The following ZNF385C variants were observed in gnomAD, a reference collection of about 807,000 sequenced individuals.
ZNF385C encodes zinc finger protein 385C.
In ZNF385C, 28 loss-of-function variants were observed where a neutral mutation model predicts 35.4. The ratio of observed to expected loss-of-function variants is 0.79; its 90% CI spans 0.59 to 1.08. The LOEUF is 1.08. Among genes scored for constraint, ZNF385C ranks in the 50% least tolerant of loss-of-function variants. The probability of loss-of-function intolerance (pLI) is 0.00; values close to 1 mark genes in which losing one functional copy is unlikely to be tolerated. For missense variants in ZNF385C, 605 were observed against 595.6 expected, an observed-to-expected ratio of 1.02 and a Z score of -0.16; for synonymous variants, 248 against 248.2, an observed-to-expected ratio of 1.00 and a Z score of 0.01.
At chr17:42,032,830 A>G (rs1414916246) in intron 4 of ZNF385C, among the ~76,000 whole-genome samples, 1 of 151,424 alleles carries the variant, frequency 6.6e-6, no homozygotes, top group Non-Finnish European at 1.5e-5. Flanking sequence ...CTCCTGCCTC[A>G]GCCTCCCGAG....
intron 2 of ZNF385C, among the ~76,000 whole-genome samples, chr17:42,053,404 C>G (rs1315280289): frequency 1.3e-5 from 2 of 152,092 alleles, no homozygotes; most frequent in Non-Finnish European, 2.9e-5. Context: ...ACCCTGATTT[C>G]TGTCCCCCTC....
At chr17:42,070,275 C>T (rs1467129810) in intron 1 of ZNF385C, among the ~76,000 whole-genome samples, 1 of 152,096 alleles carries the variant, frequency 6.6e-6, no homozygotes, top group Non-Finnish European at 1.5e-5. Context: ...ACCCGGGAGG[C>T]GGAGCTTGCA....
chr17:42,083,051 T>C (rs1269460201), intron 1 of ZNF385C, among the ~76,000 whole-genome samples: 2 of 152,084 alleles, frequency 1.3e-5, no homozygotes, highest in East Asian at 3.9e-4. Flanking sequence ...CACTCCAGCA[T>C]GGGCAATAGA....
intron 2 of ZNF385C, chr17:42,039,306 A>C: frequency 5.3e-6 from 1 of 189,392 alleles, no homozygotes; most frequent in African/African-American, 2.3e-5. Context: ...ACCAAGGACC[A>C]GTGTCCGTTC....
At position 42,086,600 on chromosome 17, in the gene ZNF385C, G is replaced by C. The variant is rs2053810867; in HGVS notation, c.-3+11810C>G. Among the ~76,000 whole-genome samples, 2 of 149,890 alleles carry C rather than the reference G, an allele frequency of 1.3e-5. 1 individual carries two copies. Among genetic ancestry groups the C allele is most frequent in the South Asian group, 4.2e-4 (2 of 4,750 alleles). ...GCCTGTCATTCCAGCTACTTGGGAG[G>C]CTGAGGCAGGAGAATAGCTTGAACC... On this transcript the variant is annotated intron_variant, in intron 1 of 8. Coordinates refer to ENST00000692273, the MANE Select transcript of ZNF385C (RefSeq NM_001392013.1).
chr17:42,058,814 A>T (rs1266788738), intron 2 of ZNF385C, among the ~76,000 whole-genome samples: 1 of 152,002 alleles, frequency 6.6e-6, no homozygotes, highest in African/African-American at 2.4e-5. Context: ...CCACAACCAC[A>T]CCTGGCTAAT....
rs575915700 is a variant in ZNF385C at position 42,027,053 on chromosome 17, A to C, written c.1356T>G (p.Thr452=). Residue 452 remains threonine, a synonymous_variant, in exon 9 of 9, where the codon ACT becomes ACG. Transcript: ENST00000692273. ...GGGGCCCTGGCAGAGCACAGATGGCAGTGGCTGCGGTGGGGAGCGGGCTGG... is the reference window on the plus strand; with the variant it reads ...GGGGCCCTGGCAGAGCACAGATGGCCGTGGCTGCGGTGGGGAGCGGGCTGG... ...FLPSPLPTAA[T]AICALPGPLA... The C allele has an allele frequency of 6.8e-6, 11 of 1,609,376 alleles. No homozygotes were observed. The East Asian group carries it at 2.5e-4, about 36-fold the overall frequency.
intron 1 of ZNF385C, among the ~76,000 whole-genome samples, chr17:42,086,597 GA>G (rs2053810835): frequency 6.7e-6 from 1 of 149,790 alleles, no homozygotes; most frequent in African/African-American, 2.5e-5. Context: ...AGCTACTTGG[GA>G]GGCTGAGGCA....
At chr17:42,086,410 C>T (rs1211204964) in intron 1 of ZNF385C, among the ~76,000 whole-genome samples, 1 of 145,936 alleles carries the variant, frequency 6.9e-6, no homozygotes, top group Non-Finnish European at 1.5e-5. Flanking sequence ...ATTTTAAAAA[C>T]CAACTCTAAG....
intron 2 of ZNF385C, chr17:42,040,820 C>T (rs1256331712): frequency 8.1e-7 from 1 of 1,232,164 alleles, no homozygotes. Flanking sequence ...GCCGGGGGCT[C>T]AGGATCTGTC....
intron 8 of ZNF385C, 80 bp from the exon 9 acceptor site, chr17:42,027,213 T>C: frequency 7.6e-7 from 1 of 1,321,048 alleles, no homozygotes; most frequent in Non-Finnish European, 1.1e-6. Context: ...CCTCAAGCTT[T>C]TTGCTGCAGG....
At chr17:42,059,612 T>TTTG (rs1407855858) in intron 2 of ZNF385C, among the ~76,000 whole-genome samples, 1 of 79,970 alleles carries the variant, frequency 1.3e-5, no homozygotes, top group African/African-American at 5.0e-5. Flanking sequence ...TGTGACCTTT[T>TTTG]TTGTTGTTGT....
Position 42,034,312 on chromosome 17 carries a change from G to C in ZNF385C, c.423C>G (p.Val141=), listed in dbSNP as rs2052793876. The stretch of plus-strand genomic sequence containing the variant: ...AGGGGACACCAAACGTGTGGCTGAT[G>C]ACAGCTTTCTGGACCGGGTCCATCT... ...FSTMDPVQKA[V]ISHTFGVPSP... The change falls in exon 4 of 9, where the codon GTC becomes GTG. Residue 141 remains valine (V), a synonymous_variant. Coordinates refer to ENST00000692273, the MANE Select transcript of ZNF385C (RefSeq NM_001392013.1). 2.6e-6 allele frequency: 4 copies of C among 1,550,632 alleles called. No homozygotes were observed. Among genetic ancestry groups the C allele is most frequent in the Non-Finnish European group, 3.5e-6 (4 of 1,146,990 alleles).
chr17:42,087,644 G>A (rs2053822833), intron 1 of ZNF385C, among the ~76,000 whole-genome samples: 1 of 152,184 alleles, frequency 6.6e-6, no homozygotes, highest in Admixed American at 6.5e-5. Context: ...CCCAGTCCTA[G>A]CCAGGCGCAG....
chr17:42,040,805 A>G lies in ZNF385C; in HGVS notation c.251-2920T>C, dbSNP rs2053000630. ...TCCAATATGCTCTCATATTGACCCA[A>G]GTAGGCCGGGGGCTCAGGATCTGTC... is the stretch of plus-strand genomic sequence containing the variant. On this transcript the variant is annotated intron_variant, in intron 2 of 8. Coordinates refer to ENST00000692273, the MANE Select transcript of ZNF385C (RefSeq NM_001392013.1). 2.4e-6 allele frequency: 3 copies of G among 1,232,182 alleles called. No homozygotes were observed. In the South Asian group the frequency reaches 1.2e-4, roughly 51 times the overall value. 76.3% of individuals were successfully genotyped at this position (1,232,182 alleles called of 1,614,324 possible).
In ZNF385C at chr17:42,042,621, C is replaced by T. The variant is rs112531941; in HGVS notation, c.251-4736G>A. Among the ~76,000 whole-genome samples, 10 of 152,336 alleles carry T rather than the reference C, an allele frequency of 6.6e-5. 1 individual carries two copies. The highest frequency in any genetic ancestry group is 4.1e-4 in the South Asian group (2 of 4,826). ...GCAGTGAGAAGAGTGCCCCTGTGCC[C>T]GCTAAGAGGCCTGGTCTGGCCTCTT... On this transcript the variant is annotated intron_variant, in intron 2 of 8. Coordinates refer to ENST00000692273, the MANE Select transcript of ZNF385C (RefSeq NM_001392013.1).
intron 1 of ZNF385C, among the ~76,000 whole-genome samples, chr17:42,091,062 G>A (rs1462124592): frequency 6.6e-6 from 1 of 152,138 alleles, no homozygotes; most frequent in Non-Finnish European, 1.5e-5. Context: ...TTGGGGGTAG[G>A]GGCTGGGACA....
At chr17:42,075,361 C>T (rs957570431) in intron 1 of ZNF385C, among the ~76,000 whole-genome samples, 36 of 152,124 alleles carry the variant, frequency 2.4e-4, no homozygotes, top group Admixed American at 2.0e-3. Context: ...TAGTTCTGGG[C>T]CTTCATTCAT....
intron 1 of ZNF385C, among the ~76,000 whole-genome samples, chr17:42,081,066 C>A (rs111390587): frequency 3.3e-5 from 5 of 152,366 alleles, no homozygotes; most frequent in African/African-American, 1.2e-4. Context: ...TCAATAAACA[C>A]TTATTGAACA....
Sources: gnomAD v4.1 joint callset for allele counts (sites outside exome capture counted in the v4.1 genomes callset) on GRCh38, gnomAD v4.1.1 for gene constraint, MANE v1.5 for transcripts, NCBI Gene and HGNC (gene_info 2026-07-23, HGNC 2026-07-21) for gene names.